Variants in IP6K1 observed in about 807,000 individuals in gnomAD.
IP6K1 encodes the protein inositol hexakisphosphate kinase 1.
IP6K1 carries 13 observed loss-of-function variants against 38.3 expected under a neutral mutation model. The observed-to-expected ratio is 0.34, with a 90% confidence interval of 0.22 to 0.54. IP6K1 has a LOEUF of 0.54. IP6K1 is among the 20% of genes least tolerant of loss of function. The pLI is 0.92. For synonymous variants in IP6K1, 212 were observed against 229.9 expected (o/e 0.92, Z 0.70); for missense variants, 397 against 599.8 (o/e 0.66, Z 3.53).
intron 1 of IP6K1, among the ~76,000 whole-genome samples, chr3:49,772,037 G>C (rs1371944242): frequency 2.0e-5 from 3 of 151,822 alleles, no homozygotes; most frequent in Non-Finnish European, 4.4e-5. Context: ...AACATGGCAA[G>C]ACCTCTACAG....
intron 4 of IP6K1, among the ~76,000 whole-genome samples, chr3:49,730,555 C>G (rs1021940482): frequency 6.6e-6 from 1 of 151,178 alleles, no homozygotes; most frequent in Admixed American, 6.6e-5. Flanking sequence ...CATTTCTTTT[C>G]TTTTTTTTTA....
At chr3:49,775,553 G>T in intron 1 of IP6K1, 2 of 1,020,770 alleles carry the variant, frequency 2.0e-6, no homozygotes, top group African/African-American at 1.6e-5. Context: ...TTGTCAATTT[G>T]GGGAGCTCTA....
chr3:49,735,502 T>C (rs1302480860), intron 3 of IP6K1, among the ~76,000 whole-genome samples: 1 of 152,182 alleles, frequency 6.6e-6, no homozygotes. Context: ...AAGCAGCCTC[T>C]TGGGGAGTGA....
chr3:49,741,885 C>G (rs1173464885), intron 2 of IP6K1, among the ~76,000 whole-genome samples: 1 of 152,134 alleles, frequency 6.6e-6, no homozygotes, highest in Non-Finnish European at 1.5e-5. Flanking sequence ...TTCAAGGTGC[C>G]TCCCAGGGAA....
At chr3:49,766,027 T>C (rs1351661670) in intron 1 of IP6K1, among the ~76,000 whole-genome samples, 4 of 151,886 alleles carry the variant, frequency 2.6e-5, no homozygotes, top group Non-Finnish European at 2.9e-5. Flanking sequence ...ATACAAAAAA[T>C]TAGCCAGGTG....
At chr3:49,784,618 C>A (rs1228681541) in intron 1 of IP6K1, among the ~76,000 whole-genome samples, 3 of 146,662 alleles carry the variant, frequency 2.0e-5, no homozygotes, top group Non-Finnish European at 4.5e-5. Flanking sequence ...GCACTCCAGC[C>A]TGGGTGAGAG....
intron 1 of IP6K1, among the ~76,000 whole-genome samples, chr3:49,783,712 CAA>C (rs10713526): frequency 4.8e-4 from 59 of 122,060 alleles, no homozygotes; most frequent in South Asian, 5.4e-4. Context: ...GATTCCGTCT[CAA>C]AAAAAAAAAA....
intron 1 of IP6K1, among the ~76,000 whole-genome samples, chr3:49,773,015 G>A (rs568795583): frequency 5.3e-5 from 8 of 151,684 alleles, no homozygotes; most frequent in East Asian, 2.0e-4. Context: ...GTAGATAAGC[G>A]GGCCTTGCTG....
intron 1 of IP6K1, among the ~76,000 whole-genome samples, chr3:49,776,510 C>CA (rs1168824623): frequency 6.8e-6 from 1 of 146,702 alleles, no homozygotes; most frequent in Non-Finnish European, 1.5e-5. Flanking sequence ...GGGCAAGACT[C>CA]AGTCTCAGTA....
At chr3:49,749,799 C>T (rs999375387) in intron 1 of IP6K1, among the ~76,000 whole-genome samples, 1 of 151,920 alleles carries the variant, frequency 6.6e-6, no homozygotes, top group Non-Finnish European at 1.5e-5. Context: ...TCCCAGTCCC[C>T]AGATTGCACT....
chr3:49,758,474 A>G (rs2080843059), intron 1 of IP6K1: 1 of 152,164 alleles, frequency 6.6e-6, no homozygotes, highest in Non-Finnish European at 1.5e-5. Context: ...GACAGTAACT[A>G]CCACAGCACG....
At chr3:49,775,481 TG>T in intron 1 of IP6K1, 1 of 622,002 alleles carries the variant, frequency 1.6e-6, no homozygotes, top group South Asian at 2.3e-5. Context: ...CTGGGGTCTC[TG>T]GTGCCTATTA....
At position 49,727,224 on chromosome 3, in the gene IP6K1, G is replaced by A; in HGVS notation, c.1224C>T (p.Phe408=). The change falls in exon 6 of 6, where the codon TTC becomes TTT. Residue 408 remains phenylalanine (F), a synonymous_variant. Transcript: ENST00000321599. This position sits in a 1 kb window ranked among gnomAD's most constrained non-coding sequence, Gnocchi z 5.9. The part of the protein sequence containing the change: ...IDFAHSTFKG[F]RDDPTVHDGP... Reference sequence around the variant, plus strand: ...CATCATGCACGGTGGGGTCATCCCGGAAGCCCTTGAATGTGCTGTGTGCAA... The same window carrying A: ...CATCATGCACGGTGGGGTCATCCCGAAAGCCCTTGAATGTGCTGTGTGCAA... 6.2e-7 allele frequency: 1 copy of A among 1,614,148 alleles called. No homozygotes were observed. Among genetic ancestry groups the A allele is most frequent in the Non-Finnish European group, 8.5e-7 (1 of 1,180,040 alleles).
intron 1 of IP6K1, among the ~76,000 whole-genome samples, chr3:49,776,094 C>T (rs1319190224): frequency 4.6e-5 from 7 of 151,606 alleles, no homozygotes; most frequent in Non-Finnish European, 2.9e-5. Context: ...TTAACACTTG[C>T]GCTATTGTCA....
intron 2 of IP6K1, among the ~76,000 whole-genome samples, chr3:49,742,374 C>G (rs1367463802): frequency 6.6e-6 from 1 of 151,822 alleles, no homozygotes; most frequent in Non-Finnish European, 1.5e-5. Flanking sequence ...ACGGTGAAAC[C>G]CTGTCTCTAC....
chr3:49,758,067 T>C (rs929556439), intron 1 of IP6K1, among the ~76,000 whole-genome samples: 5 of 152,030 alleles, frequency 3.3e-5, no homozygotes, highest in African/African-American at 1.2e-4. Context: ...CCCAGCACTT[T>C]GGGAGGCCGA....
At chr3:49,757,171 T>G (rs1472668176) in intron 1 of IP6K1, among the ~76,000 whole-genome samples, 1 of 152,204 alleles carries the variant, frequency 6.6e-6, no homozygotes, top group Non-Finnish European at 1.5e-5. Flanking sequence ...AGACCAAAGC[T>G]GAAGAGAGAA....
intron 1 of IP6K1, among the ~76,000 whole-genome samples, chr3:49,750,251 A>G (rs953540425): frequency 3.3e-5 from 5 of 152,108 alleles, no homozygotes; most frequent in Non-Finnish European, 7.4e-5. Flanking sequence ...AGGCTGAAGG[A>G]GGCCTATCTC....
chr3:49,779,154 A>G (rs955686300), intron 1 of IP6K1, among the ~76,000 whole-genome samples: 3 of 152,180 alleles, frequency 2.0e-5, no homozygotes, highest in Non-Finnish European at 2.9e-5. Context: ...CCAAGCCCTA[A>G]GCAATCACTA....
Sources: gnomAD v4.1 joint callset for allele counts (sites outside exome capture counted in the v4.1 genomes callset) on GRCh38, gnomAD v4.1.1 for gene constraint, Gnocchi (gnomAD v3.1) non-coding constraint, MANE v1.5 for transcripts, NCBI Gene and HGNC (gene_info 2026-07-23, HGNC 2026-07-21) for gene names.